The following ADAMTS20 variants were observed in gnomAD, a reference collection of about 807,000 sequenced individuals.
ADAMTS20 encodes the protein ADAM metallopeptidase with thrombospondin type 1 motif 20, also known as A disintegrin and metalloproteinase with thrombospondin motifs 20.
In ADAMTS20, 225 loss-of-function variants were observed where a neutral mutation model predicts 260.1. The observed-to-expected ratio is 0.87, with a 90% CI of 0.78 to 0.97. The LOEUF is 0.97. Among genes scored for constraint, ADAMTS20 ranks in the 50% least tolerant of loss-of-function variants. The pLI is 0.00. For missense variants in ADAMTS20, 2,400 were observed against 2,337.7 expected (o/e 1.03, Z -0.55); for synonymous variants, 802 against 769.5 (o/e 1.04, Z -0.70).
Position 43,399,136 on chromosome 12 carries a change from T to C in ADAMTS20, c.4382A>G (p.Gln1461Arg). 6.4e-7 allele frequency: 1 copy of C among 1,556,154 alleles called. No homozygotes were observed. Among genetic ancestry groups the C allele is most frequent in the Non-Finnish European group, 8.7e-7 (1 of 1,148,738 alleles). The stretch of plus-strand genomic sequence containing the variant: ...ACAGGCTTTGTGAGTTGGAGGTTTC[T>C]GTACTTGACTGCAATTTGTGTCTTC... Reference protein sequence around the residue: ...KLEDTNCSQVQKPPTHKACRS... With the variant: ...KLEDTNCSQVRKPPTHKACRS... Residue 1461 changes from glutamine (Q) to arginine (R), a missense_variant, in exon 29 of 39, where the codon CAG becomes CGG. By Grantham distance (43) the Gln-to-Arg change is conservative (BLOSUM62 1). Coordinates refer to ENST00000389420, the MANE Select transcript of ADAMTS20 (RefSeq NM_025003.5).
chr12:43,409,357 C>T (rs1047720847), intron 28 of ADAMTS20, among the ~76,000 whole-genome samples: 2 of 151,700 alleles, frequency 1.3e-5, no homozygotes, highest in Non-Finnish European at 2.9e-5. Flanking sequence ...AATCACAGCA[C>T]TTTGGGAGGC....
intron 37 of ADAMTS20, among the ~76,000 whole-genome samples, chr12:43,357,657 G>A (rs1243500800): frequency 6.6e-6 from 1 of 152,046 alleles, no homozygotes; most frequent in East Asian, 1.9e-4. Context: ...AAATTTCAAA[G>A]AAAATGTATC....
rs546065146 is a variant in ADAMTS20 at position 43,456,730 on chromosome 12, A to G, written c.1615-2678T>C. On this transcript the variant is annotated intron_variant, in intron 11 of 38. Coordinates refer to ENST00000389420, the MANE Select transcript of ADAMTS20 (RefSeq NM_025003.5). ...AGACCCTACTGCTGTGTCATTCCCTACTGGCTAGGGTTGGACTGCATAGTC... is the reference window on the plus strand; with the variant it reads ...AGACCCTACTGCTGTGTCATTCCCTGCTGGCTAGGGTTGGACTGCATAGTC... 5.1e-4 allele frequency among the ~76,000 whole-genome samples: 78 copies of G among 152,212 alleles called. 2 individuals carry two copies. The highest frequency in any genetic ancestry group is 1.7e-3 in the African/African-American group (72 of 41,544).
chr12:43,493,788 A>G (rs1229269514), intron 4 of ADAMTS20, among the ~76,000 whole-genome samples: 1 of 152,194 alleles, frequency 6.6e-6, no homozygotes, highest in Non-Finnish European at 1.5e-5. Context: ...CCACAGTTGC[A>G]TATTTCCAAC....
intron 28 of ADAMTS20, among the ~76,000 whole-genome samples, chr12:43,401,119 T>C (rs1940801333): frequency 1.3e-5 from 2 of 151,968 alleles, no homozygotes; most frequent in Non-Finnish European, 2.9e-5. Flanking sequence ...TATGATAGAA[T>C]TTAAAAATTC....
intron 29 of ADAMTS20, among the ~76,000 whole-genome samples, chr12:43,397,969 CAA>C (rs930497558): frequency 6.6e-6 from 1 of 152,090 alleles, no homozygotes; most frequent in Non-Finnish European, 1.5e-5. Context: ...ATGCTGAGCG[CAA>C]AGAGAGAATG....
intron 4 of ADAMTS20, among the ~76,000 whole-genome samples, chr12:43,498,688 C>T (rs1287430580): frequency 6.6e-6 from 1 of 152,108 alleles, no homozygotes. Context: ...TTCTCTTACC[C>T]CTTTAAAGCG....
Position 43,427,389 on chromosome 12 carries a change from G to T in ADAMTS20, c.4026C>A (p.Cys1342Ter), listed in dbSNP as rs148216689. ...ACTCTGGAGGCTTGGAGGCTGCATC[G>T]CAGTAACTAGCACTTTGTCCATTTT... ...QDENGQSASY[C>*]DAASKPPELQ... The change falls in exon 27 of 39, where the codon TGC (cysteine) becomes TGA (stop). Residue 1342 changes from cysteine (C) to a stop codon, truncating the protein, a stop_gained. Coordinates refer to ENST00000389420, the MANE Select transcript of ADAMTS20 (RefSeq NM_025003.5). LOFTEE classifies it high-confidence loss of function. 6.2e-7 allele frequency: 1 copy of T among 1,613,812 alleles called. No homozygotes were observed. Among genetic ancestry groups the T allele is most frequent in the Admixed American group, 1.7e-5 (1 of 59,980 alleles).
chr12:43,423,525 A>C, intron 28 of ADAMTS20: 2 of 581,260 alleles, frequency 3.4e-6, no homozygotes, highest in Non-Finnish European at 6.1e-6. Flanking sequence ...TCTCATTAGC[A>C]GTTAGGATTC....
Position 43,488,766 on chromosome 12 carries a change from A to G in ADAMTS20, c.1117+1629T>C, listed in dbSNP as rs572356935. 2.6e-5 allele frequency among the ~76,000 whole-genome samples: 4 copies of G among 152,282 alleles called. No homozygotes were observed. In the East Asian group the frequency reaches 7.7e-4, roughly 29 times the overall value. ...TTGCAAATTTACAATACTTAAATAT[A>G]CTTAACATTCTAATGTATTAAAAGT... On this transcript the variant is annotated intron_variant, in intron 7 of 38. Transcript: ENST00000389420.
At chr12:43,449,508 AGG>A (rs1941825703) in intron 14 of ADAMTS20, among the ~76,000 whole-genome samples, 1 of 152,036 alleles carries the variant, frequency 6.6e-6, no homozygotes, top group Non-Finnish European at 1.5e-5. Flanking sequence ...GAGGCGCGAG[AGG>A]ATCAGAAAAA....
intron 3 of ADAMTS20, among the ~76,000 whole-genome samples, chr12:43,519,671 C>T (rs1282416813): frequency 2.6e-5 from 4 of 152,126 alleles, no homozygotes; most frequent in Non-Finnish European, 5.9e-5. Flanking sequence ...TTTCTTCTCC[C>T]GGCACACCTA....
chr12:43,517,390 A>G (rs2137474712), intron 3 of ADAMTS20, among the ~76,000 whole-genome samples: 1 of 152,232 alleles, frequency 6.6e-6, no homozygotes, highest in South Asian at 2.1e-4. Flanking sequence ...GCATTTTTAT[A>G]TAGAATAAAC....
In ADAMTS20 at chr12:43,551,999, T is replaced by A; in HGVS notation, c.-78A>T. 1 of 1,120,884 alleles carries A rather than the reference T, an allele frequency of 8.9e-7. No homozygotes were observed. Among genetic ancestry groups the A allele is most frequent in the South Asian group, 1.3e-5 (1 of 77,340 alleles). 69.4% of individuals were successfully genotyped at this position (1,120,884 alleles called of 1,614,324 possible). On this transcript the variant is annotated 5_prime_UTR_variant, in exon 1 of 39. Coordinates refer to ENST00000389420, the MANE Select transcript of ADAMTS20 (RefSeq NM_025003.5). The surrounding 1 kb of genome is among the most constrained non-coding windows in gnomAD (Gnocchi z 4.6). Reference sequence around the variant, plus strand: ...CAAGCCGGCTTCCCTCGCGCTCCGATCCCTCTCCTCCCTCTCGCCCGCCGC... The same window carrying A: ...CAAGCCGGCTTCCCTCGCGCTCCGAACCCTCTCCTCCCTCTCGCCCGCCGC...
chr12:43,412,761 T>C (rs1221925489), intron 28 of ADAMTS20, among the ~76,000 whole-genome samples: 6 of 151,748 alleles, frequency 4.0e-5, no homozygotes, highest in Non-Finnish European at 8.8e-5. Context: ...AATAAAGAGG[T>C]TGCCCTTAGA....
At chr12:43,512,524 T>G (rs958874372) in intron 3 of ADAMTS20, among the ~76,000 whole-genome samples, 9 of 152,064 alleles carry the variant, frequency 5.9e-5, no homozygotes, top group Non-Finnish European at 1.2e-4. Context: ...CTCAATATTA[T>G]TAGAAATTTC....
chr12:43,384,761 C>T (rs1940434829), intron 29 of ADAMTS20, among the ~76,000 whole-genome samples: 1 of 152,150 alleles, frequency 6.6e-6, no homozygotes, highest in Non-Finnish European at 1.5e-5. Flanking sequence ...CAGCTTCATC[C>T]GTGTCCCTGC....
chr12:43,522,612 T>C (rs1418709224), intron 3 of ADAMTS20, among the ~76,000 whole-genome samples: 1 of 152,190 alleles, frequency 6.6e-6, no homozygotes, highest in African/African-American at 2.4e-5. Context: ...ATAGCAGAAC[T>C]ACACTTCACA....
At chr12:43,360,677 AT>A (rs1193801661) in intron 37 of ADAMTS20, among the ~76,000 whole-genome samples, 3 of 152,214 alleles carry the variant, frequency 2.0e-5, no homozygotes, top group Non-Finnish European at 4.4e-5. Context: ...AAACTATGAG[AT>A]ATGCATGGAG....
Sources: allele counts gnomAD v4.1 joint callset (sites outside exome capture counted in the v4.1 genomes callset), GRCh38; gene constraint gnomAD v4.1.1; non-coding constraint Gnocchi (gnomAD v3.1); transcripts MANE v1.5; gene names NCBI Gene and HGNC (gene_info 2026-07-23, HGNC 2026-07-21).